The following MTO1 variants were observed in gnomAD, a reference collection of about 807,000 sequenced individuals.
MTO1 encodes the protein 5-taurinomethyluridine-[tRNA] synthase subunit MTO1, mitochondrial.
In MTO1, 46 loss-of-function variants were observed where a neutral mutation model predicts 71.6. The ratio of observed to expected loss-of-function variants is 0.64; its 90% CI spans 0.51 to 0.82. The LOEUF (loss-of-function observed/expected upper bound fraction) is 0.82, where lower values mean the gene tolerates loss of function less well. Among genes scored for constraint, MTO1 ranks in the 40% least tolerant of loss-of-function variants. MTO1 has a pLI of 0.00. For missense variants in MTO1, 773 were observed against 867.5 expected (o/e 0.89, Z 1.37); for synonymous variants, 297 against 312.1 (o/e 0.95, Z 0.51).
chr6:73,478,637 C>T (rs1008691392), intron 4 of MTO1, among the ~76,000 whole-genome samples: 5 of 152,196 alleles, frequency 3.3e-5, no homozygotes, highest in Middle Eastern at 6.3e-3. Flanking sequence ...CCCCTGGGTT[C>T]AAGCGATTCT....
chr6:73,496,142 G>A (rs1317277056), intron 10 of MTO1, among the ~76,000 whole-genome samples: 1 of 152,192 alleles, frequency 6.6e-6, no homozygotes, highest in East Asian at 1.9e-4. Flanking sequence ...CGCATAGTCA[G>A]AGGGTAATTC....
At chr6:73,492,995 T>TGTA (rs540252865) in intron 10 of MTO1, among the ~76,000 whole-genome samples, 202 of 73,300 alleles carry the variant, frequency 2.8e-3, no homozygotes, top group East Asian at 0.022. Context: ...TGTGTGTGTA[T>TGTA]TTTTTTTTTT....
chr6:73,465,960 G>C (rs1426936855), intron 1 of MTO1, among the ~76,000 whole-genome samples: 2 of 152,158 alleles, frequency 1.3e-5, no homozygotes, highest in Non-Finnish European at 2.9e-5. Flanking sequence ...CTCCAGCCTG[G>C]GTGACAGAGT....
Position 73,474,075 on chromosome 6 carries a change from C to T in MTO1, c.825+421C>T, listed in dbSNP as rs568274283. Among the ~76,000 whole-genome samples, 7 of 151,476 alleles carry T rather than the reference C, an allele frequency of 4.6e-5. No homozygotes were observed. The East Asian group carries it at 9.7e-4, about 21-fold the overall frequency. Reference sequence around the variant, plus strand: ...TGCTGGGATTGCAGGTGTAAACCACCGAACCCAGCCAAAGAAGTTATCCTT... The same window carrying T: ...TGCTGGGATTGCAGGTGTAAACCACTGAACCCAGCCAAAGAAGTTATCCTT... On this transcript the variant is annotated intron_variant, in intron 4 of 11. Coordinates refer to ENST00000498286, the MANE Select transcript of MTO1 (RefSeq NM_012123.4).
chr6:73,462,590 A>G (rs759505783), intron 1 of MTO1, among the ~76,000 whole-genome samples: 20 of 151,954 alleles, frequency 1.3e-4, no homozygotes, highest in Non-Finnish European at 2.4e-4. Context: ...TTAGCCGGGC[A>G]TGGTGGCGGG....
chr6:73,478,094 C>A (rs181069979), intron 4 of MTO1, among the ~76,000 whole-genome samples: 1 of 151,270 alleles, frequency 6.6e-6, no homozygotes. Context: ...ACTAAAAATA[C>A]AAAAATTAGC....
At chr6:73,476,378 CAA>C (rs869185503) in intron 4 of MTO1, among the ~76,000 whole-genome samples, 5,894 of 62,740 alleles carry the variant, frequency 0.094, 313 homozygotes, top group African/African-American at 0.28. Context: ...GACTCCATCT[CAA>C]AAAAAAAAAA....
intron 4 of MTO1, among the ~76,000 whole-genome samples, chr6:73,474,678 C>A (rs1771258525): frequency 6.6e-6 from 1 of 151,864 alleles, no homozygotes; most frequent in African/African-American, 2.4e-5. Flanking sequence ...GAACTCCTGA[C>A]CTTAGGTGAT....
chr6:73,497,660 A>G, intron 10 of MTO1, 76 bp from the exon 11 acceptor site: 1 of 1,432,794 alleles, frequency 7.0e-7, no homozygotes, highest in East Asian at 2.3e-5. Context: ...TGTAAATTGT[A>G]AGAGGCTACA....
intron 9 of MTO1, among the ~76,000 whole-genome samples, 169 bp downstream of exon 9, chr6:73,482,789 CTTTTTT>C (rs35121302): frequency 3.3e-5 from 3 of 92,144 alleles, no homozygotes; most frequent in Non-Finnish European, 3.9e-5. Flanking sequence ...TTTTTTCTTT[CTTTTTT>C]TTTTTTTTTT....
intron 3 of MTO1, chr6:73,471,333 C>T: frequency 8.4e-6 from 3 of 358,808 alleles, no homozygotes; most frequent in East Asian, 9.9e-5. Flanking sequence ...CTTTCATTTC[C>T]TTTTCTCCCC....
In MTO1 at chr6:73,497,694, A is replaced by G. The variant is rs751213591; in HGVS notation, c.1757-42A>G. ...CATAAATGTAAGTTGTTAGTATAAT[A>G]TAATCTGGGTATTATAACATGATTC... On this transcript the variant is annotated intron_variant, in intron 10 of 11. Coordinates refer to ENST00000498286, the MANE Select transcript of MTO1 (RefSeq NM_012123.4). 3.2e-6 allele frequency: 5 copies of G among 1,576,322 alleles called. No individual in the cohort carries two copies. In the South Asian group the frequency reaches 4.5e-5, roughly 14 times the overall value.
chr6:73,481,771 A>AT (rs1044459384), intron 7 of MTO1, among the ~76,000 whole-genome samples: 5 of 152,154 alleles, frequency 3.3e-5, no homozygotes, highest in Admixed American at 6.6e-5. Context: ...CTGTCTCCGG[A>AT]TAAAAAAAAG....
At chr6:73,480,898 G>T in intron 7 of MTO1, 93 bp downstream of exon 7, 1 of 1,278,592 alleles carries the variant, frequency 7.8e-7, no homozygotes, top group Non-Finnish European at 1.1e-6. Context: ...GTAGATCTTA[G>T]ATACAATTCA....
rs1031960771 is a variant in MTO1, at chr6:73,492,411, A to C, written c.1756+59A>C. ...TCATATGTGCAAATTATGAATAGAC[A>C]ACAGATCCATTATTACTGTTGGACC... On this transcript the variant is annotated intron_variant, in intron 10 of 11. Coordinates refer to ENST00000498286, the MANE Select transcript of MTO1 (RefSeq NM_012123.4). 18 of 1,145,118 alleles carry C rather than the reference A, an allele frequency of 1.6e-5. No individual in the cohort carries two copies. In the Admixed American group the frequency reaches 2.8e-4, roughly 18 times the overall value. 70.9% of individuals were successfully genotyped at this position (1,145,118 alleles called of 1,614,324 possible).
rs141874050 is a variant in MTO1 at position 73,503,314 on chromosome 6, T to C, written c.*2579T>C. ...TTTTTGTAGGAATGAAGTCTCACTA[T>C]GTTGCCCAGGCTGGTCTTGAACTTC... On this transcript the variant is annotated 3_prime_UTR_variant, in exon 12 of 12. Transcript: ENST00000498286. 3.3e-3 allele frequency: 500 copies of C among 152,394 alleles called. 8 individuals are homozygous for C. Among genetic ancestry groups the C allele is most frequent in the East Asian group, 0.029 (149 of 5,184 alleles). 9.4% of individuals were successfully genotyped at this position (152,394 alleles called of 1,614,324 possible). A position where few individuals can be genotyped will look rare whatever the true frequency, so the allele number is the denominator to read the frequency against.
At chr6:73,484,155 A>G (rs914268214) in intron 9 of MTO1, among the ~76,000 whole-genome samples, 1 of 152,178 alleles carries the variant, frequency 6.6e-6, no homozygotes, top group Non-Finnish European at 1.5e-5. Flanking sequence ...TAGTAACAGC[A>G]GGTTTTAAAG....
chr6:73,474,937 T>C (rs1057031263), intron 4 of MTO1, among the ~76,000 whole-genome samples: 1 of 151,920 alleles, frequency 6.6e-6, no homozygotes, highest in Non-Finnish European at 1.5e-5. Flanking sequence ...GTATTTTTAA[T>C]AGAGACGGTG....
intron 10 of MTO1, among the ~76,000 whole-genome samples, chr6:73,496,624 TA>T (rs1454055397): frequency 7.8e-6 from 1 of 128,560 alleles, no homozygotes; most frequent in Admixed American, 7.8e-5. Context: ...ATGCTATCCC[TA>T]CCCCCTCCCC....
Sources: allele counts gnomAD v4.1 joint callset (sites outside exome capture counted in the v4.1 genomes callset), GRCh38; gene constraint gnomAD v4.1.1; transcripts MANE v1.5; gene names NCBI Gene and HGNC (gene_info 2026-07-23, HGNC 2026-07-21).